Variants in LIMA1 observed in about 807,000 individuals in gnomAD.
LIMA1 encodes the protein LIM domain and actin-binding protein 1.
In LIMA1, 52 loss-of-function variants were observed where a neutral mutation model predicts 62.6. The ratio of observed to expected loss-of-function variants is 0.83; its 90% CI spans 0.67 to 1.05. The LOEUF (loss-of-function observed/expected upper bound fraction) is 1.05, where lower values mean the gene tolerates loss of function less well. LIMA1 is among the 50% of genes least tolerant of loss of function. The probability of loss-of-function intolerance (pLI) is 0.00; values close to 1 mark genes in which losing one functional copy is unlikely to be tolerated. For missense variants in LIMA1, 780 were observed against 902.2 expected (o/e 0.86, Z 1.74); for synonymous variants, 302 against 317.8 (o/e 0.95, Z 0.53).
At position 50,224,761 on chromosome 12, in the gene LIMA1, G is replaced by A. The variant is rs1041314142; in HGVS notation, c.166-2276C>T. On this transcript the variant is annotated intron_variant, in intron 3 of 10. Coordinates refer to ENST00000341247, the MANE Select transcript of LIMA1 (RefSeq NM_016357.5). ...AATTTTTTTTTAGAGACGGGGTCTC[G>A]CTCTGTCACCCAGGCTGAAATGCAG... Among the ~76,000 whole-genome samples, 8 of 151,918 alleles carry A rather than the reference G, an allele frequency of 5.3e-5. 1 individual carries two copies. In the East Asian group the frequency reaches 9.7e-4, roughly 18 times the overall value.
chr12:50,263,874 T>C (rs1942106485), intron 1 of LIMA1, among the ~76,000 whole-genome samples: 1 of 127,696 alleles, frequency 7.8e-6, no homozygotes, highest in Non-Finnish European at 1.6e-5. Context: ...TATATATATA[T>C]ATAAAGTATA....
At position 50,260,139 on chromosome 12, in the gene LIMA1, T is replaced by C. The variant is rs540983001; in HGVS notation, c.-23-11365A>G. On this transcript the variant is annotated intron_variant, in intron 1 of 10. Coordinates refer to ENST00000341247, the MANE Select transcript of LIMA1 (RefSeq NM_016357.5). Reference sequence around the variant, plus strand: ...GCCTAACTTTCCTGGCTTCCACTCCTAGAGTTTCTTTTTTTTTTTTTTTTT... The same window carrying C: ...GCCTAACTTTCCTGGCTTCCACTCCCAGAGTTTCTTTTTTTTTTTTTTTTT... 4.6e-5 allele frequency among the ~76,000 whole-genome samples: 7 copies of C among 150,974 alleles called. No individual in the cohort carries two copies. In the East Asian group the frequency reaches 1.4e-3, roughly 29 times the overall value.
intron 2 of LIMA1, among the ~76,000 whole-genome samples, chr12:50,237,705 TAAAAC>T (rs1941716058): frequency 6.6e-6 from 1 of 152,014 alleles, no homozygotes; most frequent in African/African-American, 2.4e-5. Flanking sequence ...TTACCACAGT[TAAAAC>T]AAAACAGTAT....
chr12:50,278,196 G>A (rs1190029432), intron 1 of LIMA1, among the ~76,000 whole-genome samples: 2 of 151,954 alleles, frequency 1.3e-5, no homozygotes, highest in African/African-American at 2.4e-5. Flanking sequence ...CGAGGTGGGC[G>A]GATCACAAGG....
chr12:50,264,630 T>C (rs1217088717), intron 1 of LIMA1, among the ~76,000 whole-genome samples: 1 of 152,208 alleles, frequency 6.6e-6, no homozygotes, highest in East Asian at 1.9e-4. Context: ...ATGATAAATC[T>C]GCCTTACGGG....
intron 1 of LIMA1, among the ~76,000 whole-genome samples, chr12:50,270,604 CAAAAAA>C (rs150300834): frequency 1.5e-4 from 11 of 71,690 alleles, no homozygotes; most frequent in African/African-American, 5.1e-4. Flanking sequence ...GACCTTATCT[CAAAAAA>C]AAAAAAAAAA....
In LIMA1 at chr12:50,224,321, G is replaced by T. The variant is rs534978571; in HGVS notation, c.166-1836C>A. On this transcript the variant is annotated intron_variant, in intron 3 of 10. Coordinates refer to ENST00000341247, the MANE Select transcript of LIMA1 (RefSeq NM_016357.5). ...ATCAAGTAGAAATAAGGCTTGAAAA[G>T]AAATTATAGAACTGCTTGATTCTAG... The T allele has an allele frequency of 1.6e-4, 24 of 152,300 alleles. No homozygotes were observed. In the East Asian group the frequency reaches 4.4e-3, roughly 28 times the overall value. 9.4% of individuals were successfully genotyped at this position (152,300 alleles called of 1,614,324 possible).
intron 1 of LIMA1, among the ~76,000 whole-genome samples, chr12:50,269,918 C>CA (rs1423265745): frequency 0.033 from 2,903 of 87,816 alleles, 140 homozygotes; most frequent in African/African-American, 0.11. Context: ...AAAACTCCGT[C>CA]AAATAAAAAA....
intron 3 of LIMA1, among the ~76,000 whole-genome samples, chr12:50,224,895 CA>C (rs199776955): frequency 0.015 from 2,092 of 142,620 alleles, 75 homozygotes; most frequent in African/African-American, 0.053. Context: ...GCATGCCTGG[CA>C]TTTTTTTTTT....
chr12:50,245,016 C>G (rs1265497452), intron 2 of LIMA1, among the ~76,000 whole-genome samples: 1 of 152,168 alleles, frequency 6.6e-6, no homozygotes. Flanking sequence ...ACAGTAGGTT[C>G]TCCAAATGCA....
At chr12:50,226,526 G>T (rs1450439995) in intron 3 of LIMA1, among the ~76,000 whole-genome samples, 2 of 152,084 alleles carry the variant, frequency 1.3e-5, no homozygotes, top group East Asian at 3.9e-4. Flanking sequence ...TGCAAGAAGG[G>T]TGTAGAAAAA....
At chr12:50,247,515 A>G (rs1475313555) in intron 2 of LIMA1, among the ~76,000 whole-genome samples, 1 of 151,990 alleles carries the variant, frequency 6.6e-6, no homozygotes, top group Admixed American at 6.6e-5. Context: ...TGATGATTAC[A>G]GCTCCCAGCC....
intron 1 of LIMA1, among the ~76,000 whole-genome samples, chr12:50,279,116 C>T (rs1336652478): frequency 1.3e-5 from 2 of 150,988 alleles, no homozygotes; most frequent in Non-Finnish European, 2.9e-5. Flanking sequence ...AGGGATTCTC[C>T]TGCTTCAGCC....
chr12:50,191,167 G>A (rs1373581973), intron 9 of LIMA1, among the ~76,000 whole-genome samples: 1 of 150,842 alleles, frequency 6.6e-6, no homozygotes, highest in Non-Finnish European at 1.5e-5. Flanking sequence ...TGCAGATTAG[G>A]AAGCCATTAT....
intron 1 of LIMA1, among the ~76,000 whole-genome samples, chr12:50,262,199 A>C (rs1942080435): frequency 6.6e-6 from 1 of 152,208 alleles, no homozygotes; most frequent in Non-Finnish European, 1.5e-5. Context: ...ATGAATTACT[A>C]TTTGGCTCTA....
chr12:50,260,428 C>G (rs1294899006), intron 1 of LIMA1, among the ~76,000 whole-genome samples: 1 of 152,138 alleles, frequency 6.6e-6, no homozygotes, highest in Non-Finnish European at 1.5e-5. Flanking sequence ...GGATTAGAGG[C>G]GTGAGCCACC....
intron 3 of LIMA1, among the ~76,000 whole-genome samples, chr12:50,226,888 CATA>C (rs1941537724): frequency 2.7e-5 from 4 of 146,092 alleles, no homozygotes; most frequent in African/African-American, 1.0e-4. Context: ...TACTCAGTTT[CATA>C]ATTTAGTAAT....
At position 50,200,893 on chromosome 12, in the gene LIMA1, T is replaced by C; in HGVS notation, c.865-9A>G. The stretch of plus-strand genomic sequence containing the variant: ...CTGGCTTTCAGCTCATTCTACAAAA[T>C]AAAAATAACTGTAAAAATTTTTTTA... On this transcript the variant is annotated splice_polypyrimidine_tract_variant and intron_variant, in intron 6 of 10. Coordinates refer to ENST00000341247, the MANE Select transcript of LIMA1 (RefSeq NM_016357.5). 1.2e-6 allele frequency: 2 copies of C among 1,610,796 alleles called. No individual in the cohort carries two copies. The highest frequency in any genetic ancestry group is 1.7e-6 in the Non-Finnish European group (2 of 1,179,174).
intron 3 of LIMA1, among the ~76,000 whole-genome samples, chr12:50,225,271 G>T (rs929615050): frequency 1.3e-5 from 2 of 151,990 alleles, no homozygotes; most frequent in African/African-American, 4.8e-5. Flanking sequence ...AATTAAAAAA[G>T]TAATAACTTA....
Sources: allele counts gnomAD v4.1 joint callset (sites outside exome capture counted in the v4.1 genomes callset), GRCh38; gene constraint gnomAD v4.1.1; transcripts MANE v1.5; gene names NCBI Gene and HGNC (gene_info 2026-07-23, HGNC 2026-07-21).